The following TRPM3 variants were observed in gnomAD, a reference collection of about 807,000 sequenced individuals.
TRPM3 encodes long transient receptor potential channel 3.
In TRPM3, 77 loss-of-function variants were observed where a neutral mutation model predicts 181.2. The ratio of observed to expected loss-of-function variants is 0.42; its 90% CI spans 0.35 to 0.51. The LOEUF is 0.51. Among genes scored for constraint, TRPM3 ranks in the 20% least tolerant of loss-of-function variants. The probability of loss-of-function intolerance (pLI) is 0.01; values close to 1 mark genes in which losing one functional copy is unlikely to be tolerated. For missense variants in TRPM3, 1,759 were observed against 2,196.7 expected (o/e 0.80, Z 3.98); for synonymous variants, 745 against 796.4 (o/e 0.94, Z 1.09).
chr9:70,917,434 G>A (rs577572025), intron 1 of TRPM3: 26 of 805,186 alleles, frequency 3.2e-5, no homozygotes, highest in African/African-American at 2.7e-4. Flanking sequence ...AAATGAACTC[G>A]GCCAGACTGG....
At chr9:70,855,533 T>G (rs2095364087) in intron 3 of TRPM3, among the ~76,000 whole-genome samples, 1 of 152,208 alleles carries the variant, frequency 6.6e-6, no homozygotes, top group African/African-American at 2.4e-5. Flanking sequence ...AGGCCATCTT[T>G]AATTCTTGGA....
At chr9:71,273,791 G>A (rs1428596379) in intron 1 of TRPM3, among the ~76,000 whole-genome samples, 1 of 152,162 alleles carries the variant, frequency 6.6e-6, no homozygotes, top group African/African-American at 2.4e-5. Flanking sequence ...CTCTGCCCTA[G>A]ATGCATGTCT....
upstream of TRPM3, among the ~76,000 whole-genome samples, chr9:71,123,067 G>T (rs1002059209): frequency 2.6e-5 from 4 of 152,146 alleles, no homozygotes; most frequent in Non-Finnish European, 5.9e-5. Flanking sequence ...GAGGTCCAGA[G>T]AAATTAGTAA....
chr9:70,816,320 C>T (rs575988954), intron 6 of TRPM3, among the ~76,000 whole-genome samples: 1 of 152,206 alleles, frequency 6.6e-6, no homozygotes, highest in Non-Finnish European at 1.5e-5. Context: ...TTAGTTATCA[C>T]TTAGGTGTTA....
chr9:71,257,350 T>A (rs886957313), intron 1 of TRPM3, among the ~76,000 whole-genome samples: 3 of 152,022 alleles, frequency 2.0e-5, no homozygotes, highest in Non-Finnish European at 4.4e-5. Flanking sequence ...AGAAGACGGA[T>A]CCCAGGTTGT....
intron 1 of TRPM3, among the ~76,000 whole-genome samples, chr9:71,118,464 T>C (rs1327630487): frequency 6.6e-6 from 1 of 152,200 alleles, no homozygotes; most frequent in Non-Finnish European, 1.5e-5. Flanking sequence ...TTTCTAAATA[T>C]TAACGTGATA....
Position 71,121,450 on chromosome 9 carries a change from T to C in TRPM3, c.-96A>G. On this transcript the variant is annotated 5_prime_UTR_variant, in exon 1 of 26. Coordinates refer to ENST00000677713, the MANE Select transcript of TRPM3 (RefSeq NM_001366145.2). Reference sequence around the variant, plus strand: ...GTAGCCTTGCCTGAGCCCCTGAACCTTCTTAAAACAGCCACCTCCCCTCTC... The same window carrying C: ...GTAGCCTTGCCTGAGCCCCTGAACCCTCTTAAAACAGCCACCTCCCCTCTC... 3 of 1,477,004 alleles carry C rather than the reference T, an allele frequency of 2.0e-6. No individual in the cohort carries two copies. The highest frequency in any genetic ancestry group is 2.7e-6 in the Non-Finnish European group (3 of 1,118,026). 91.5% of individuals were successfully genotyped at this position (1,477,004 alleles called of 1,614,324 possible). A position where few individuals can be genotyped will look rare whatever the true frequency, so the allele number is the denominator to read the frequency against.
chr9:71,341,851 T>C (rs1483572551), intron 1 of TRPM3, among the ~76,000 whole-genome samples: 1 of 152,000 alleles, frequency 6.6e-6, no homozygotes, highest in African/African-American at 2.4e-5. Context: ...GTGTATCTTC[T>C]GCATTAAAAA....
At position 70,529,250 on chromosome 9, in the gene TRPM3, T is replaced by C. The variant is rs2040538512; in HGVS notation, c.*6703A>G. On this transcript the variant is annotated 3_prime_UTR_variant, in exon 26 of 26. Transcript: ENST00000677713. ...CAATTCTTCTAAGGATTTATATATA[T>C]TTATAGTGTCGATAGATATGCATAC... The C allele has an allele frequency of 6.6e-6, 1 of 152,214 alleles. No individual in the cohort carries two copies. The highest frequency in any genetic ancestry group is 6.5e-5 in the Admixed American group (1 of 15,282). 9.4% of individuals were successfully genotyped at this position (152,214 alleles called of 1,614,324 possible). A position where few individuals can be genotyped will look rare whatever the true frequency, so the allele number is the denominator to read the frequency against.
chr9:70,985,646 C>G (rs2097412501), intron 1 of TRPM3, among the ~76,000 whole-genome samples: 1 of 152,112 alleles, frequency 6.6e-6, no homozygotes, highest in Non-Finnish European at 1.5e-5. Flanking sequence ...CTCAGTTCAA[C>G]AGACAAGTGA....
intron 8 of TRPM3, among the ~76,000 whole-genome samples, chr9:70,745,597 A>G (rs1404014758): frequency 1.3e-5 from 2 of 152,200 alleles, no homozygotes; most frequent in African/African-American, 2.4e-5. Context: ...ATGTTGGAGA[A>G]AAAACTTTTC....
chr9:71,164,017 G>A (rs1055841136), intron 1 of TRPM3, among the ~76,000 whole-genome samples: 1 of 152,098 alleles, frequency 6.6e-6, no homozygotes. Flanking sequence ...GTATTAGCTG[G>A]GACTCTTTCT....
intron 6 of TRPM3, among the ~76,000 whole-genome samples, chr9:70,815,392 A>G (rs1588740618): frequency 6.6e-6 from 1 of 152,296 alleles, no homozygotes; most frequent in East Asian, 1.9e-4. Flanking sequence ...TTATGGGGCT[A>G]AAGGGTACAT....
chr9:70,615,516 G>A (rs914612061), intron 18 of TRPM3, among the ~76,000 whole-genome samples: 3 of 152,202 alleles, frequency 2.0e-5, no homozygotes, highest in South Asian at 2.1e-4. Context: ...CTTCTGATCC[G>A]CAGAACAGTA....
At chr9:70,808,765 A>G (rs2091244104) in intron 6 of TRPM3, among the ~76,000 whole-genome samples, 1 of 152,232 alleles carries the variant, frequency 6.6e-6, no homozygotes, top group Non-Finnish European at 1.5e-5. Context: ...TACAGTCTAA[A>G]GTGAACTGAT....
At chr9:71,048,922 C>T (rs2059763930) in intron 1 of TRPM3, among the ~76,000 whole-genome samples, 1 of 152,156 alleles carries the variant, frequency 6.6e-6, no homozygotes, top group Non-Finnish European at 1.5e-5. Context: ...TCATGAGGAG[C>T]CTGAGCTATG....
At chr9:70,995,499 T>C (rs183000793) in intron 1 of TRPM3, among the ~76,000 whole-genome samples, 2 of 152,338 alleles carry the variant, frequency 1.3e-5, no homozygotes, top group Admixed American at 1.3e-4. Context: ...TGCGTTATGT[T>C]TTGGCATTTG....
chr9:71,263,233 C>T lies in TRPM3; in HGVS notation c.183+183420G>A, dbSNP rs553155851. 5.9e-5 allele frequency among the ~76,000 whole-genome samples: 9 copies of T among 152,196 alleles called. No homozygotes were observed. In the East Asian group the frequency reaches 1.5e-3, roughly 26 times the overall value. On this transcript the variant is annotated intron_variant, in intron 1 of 24. Coordinates refer to the TRPM3 transcript ENST00000357533. Reference sequence around the variant, plus strand: ...TCATCTTAGTTGACTTTGTAACTTTCCTCCAAGTTTGCTTACATTTTTTTA... The same window carrying T: ...TCATCTTAGTTGACTTTGTAACTTTTCTCCAAGTTTGCTTACATTTTTTTA...
rs1297747479 is a variant in TRPM3, at chr9:70,534,602, G to C, written c.*1351C>G. 2 of 152,058 alleles carry C rather than the reference G, an allele frequency of 1.3e-5. No homozygotes were observed. The highest frequency in any genetic ancestry group is 2.4e-5 in the African/African-American group (1 of 41,408). The allele number at this position is 152,058 out of a possible 1,614,324, so 9.4% of individuals were successfully genotyped here. On this transcript the variant is annotated 3_prime_UTR_variant, in exon 26 of 26. Transcript: ENST00000677713. Reference sequence around the variant, plus strand: ...TATTTGCTTTCTATTTTGGTCTACTGTATCTTTTTTTATAGCTCTGTCTAT... The same window carrying C: ...TATTTGCTTTCTATTTTGGTCTACTCTATCTTTTTTTATAGCTCTGTCTAT...
Sources: gnomAD v4.1 joint callset for allele counts (sites outside exome capture counted in the v4.1 genomes callset) on GRCh38, gnomAD v4.1.1 for gene constraint, MANE v1.5 for transcripts, NCBI Gene and HGNC (gene_info 2026-07-23, HGNC 2026-07-21) for gene names.